Variants in RFX7 observed in about 807,000 individuals in gnomAD.
RFX7 encodes the protein DNA-binding protein RFX7.
A neutral mutation model predicts 111.8 loss-of-function variants in RFX7; 26 were observed. The ratio of observed to expected loss-of-function variants is 0.23; its 90% CI spans 0.17 to 0.32. The LOEUF (loss-of-function observed/expected upper bound fraction) is 0.32, where lower values mean the gene tolerates loss of function less well. RFX7 is among the 10% of genes least tolerant of loss of function. RFX7 has a pLI of 1.00. For synonymous variants in RFX7, 624 were observed against 624.4 expected, an observed-to-expected ratio of 1.00 and a Z score of 0.01; for missense variants, 1,573 against 1,772.9, an observed-to-expected ratio of 0.89 and a Z score of 2.02.
chr15:56,109,480 G>A, intron 5 of RFX7, among the ~76,000 whole-genome samples: 1 of 152,294 alleles, frequency 6.6e-6, no homozygotes, highest in Non-Finnish European at 1.5e-5. Context: ...GGTCTGGGAG[G>A]TGAGGAGCGT....
intron 2 of RFX7, among the ~76,000 whole-genome samples, chr15:56,214,928 T>C (rs781512272): frequency 6.6e-6 from 1 of 152,184 alleles, no homozygotes; most frequent in Non-Finnish European, 1.5e-5. Context: ...CTTCTAATTA[T>C]TAAGTTTTAC....
rs114560173 is a variant in RFX7 at position 56,217,367 on chromosome 15, C to A, written c.161+25758G>T. 8.2e-3 allele frequency among the ~76,000 whole-genome samples: 1,249 copies of A among 152,232 alleles called. 13 individuals are homozygous for A. The highest frequency in any genetic ancestry group is 0.025 in the African/African-American group (1,054 of 41,552). ...CAAGAATGTCTAACAGAGCTTTCAC[C>A]CCTAGAACCAGATCAAATCTAGGTT... is the stretch of plus-strand genomic sequence containing the variant. On this transcript the variant is annotated intron_variant, in intron 2 of 9. Coordinates refer to ENST00000559447, the MANE Select transcript of RFX7 (RefSeq NM_022841.7).
chr15:56,214,067 G>T (rs1332263175), intron 2 of RFX7, among the ~76,000 whole-genome samples: 1 of 152,064 alleles, frequency 6.6e-6, no homozygotes, highest in African/African-American at 2.4e-5. Context: ...CATCATGCAT[G>T]AGTTTTTTTC....
intron 2 of RFX7, among the ~76,000 whole-genome samples, chr15:56,234,423 A>T (rs975134306): frequency 1.3e-5 from 2 of 152,208 alleles, no homozygotes; most frequent in Non-Finnish European, 2.9e-5. Flanking sequence ...GTACATGTAG[A>T]ATCTGCCTAA....
Position 56,088,234 on chromosome 15 carries a change from T to G in RFX7, c.*5111A>C, listed in dbSNP as rs1441678493. 2 of 153,882 alleles carry G rather than the reference T, an allele frequency of 1.3e-5. No individual in the cohort carries two copies. The highest frequency in any genetic ancestry group is 2.4e-5 in the African/African-American group (1 of 41,444). 9.5% of individuals were successfully genotyped at this position (153,882 alleles called of 1,614,324 possible). A position where few individuals can be genotyped will look rare whatever the true frequency, so the allele number is the denominator to read the frequency against. On this transcript the variant is annotated 3_prime_UTR_variant, in exon 10 of 10. Coordinates refer to ENST00000559447, the MANE Select transcript of RFX7 (RefSeq NM_022841.7). ...GTGAACACATATCTTAAGTATAGCATAATGGTATGAAGTGGGATTTGAAAT... is the reference window on the plus strand; with the variant it reads ...GTGAACACATATCTTAAGTATAGCAGAATGGTATGAAGTGGGATTTGAAAT...
At chr15:56,109,105 G>A (rs1567010381) in intron 5 of RFX7, among the ~76,000 whole-genome samples, 1 of 152,174 alleles carries the variant, frequency 6.6e-6, no homozygotes. Flanking sequence ...AGCCGAAGCT[G>A]GACTGTACTG....
chr15:56,104,278 G>T (rs1236653636), intron 5 of RFX7, among the ~76,000 whole-genome samples: 2 of 152,128 alleles, frequency 1.3e-5, no homozygotes, highest in African/African-American at 4.8e-5. Flanking sequence ...ACTTCAAGTG[G>T]GATCTGGAGA....
chr15:56,241,546 T>C (rs1379217711), intron 2 of RFX7, among the ~76,000 whole-genome samples: 3 of 152,174 alleles, frequency 2.0e-5, no homozygotes, highest in African/African-American at 7.2e-5. Context: ...AATTTAATGA[T>C]GATTTCAGAA....
intron 2 of RFX7, among the ~76,000 whole-genome samples, chr15:56,230,494 C>T (rs112085596): frequency 6.6e-6 from 1 of 151,924 alleles, no homozygotes; most frequent in African/African-American, 2.4e-5. Flanking sequence ...GAGAAAATTA[C>T]CACATTATGT....
At position 56,238,304 on chromosome 15, in the gene RFX7, T is replaced by C. The variant is rs571792055; in HGVS notation, c.161+4821A>G. On this transcript the variant is annotated intron_variant, in intron 2 of 9. Transcript: ENST00000559447. ...AATCACTTAATATCTAGATGTTGAT[T>C]GTCATCATCATAAGAAAGTAAAACA... Among the ~76,000 whole-genome samples the C allele has an allele frequency of 1.3e-3, 197 of 152,320 alleles. 1 individual carries two copies. Among genetic ancestry groups the C allele is most frequent in the African/African-American group, 4.5e-3 (187 of 41,576 alleles).
intron 3 of RFX7, among the ~76,000 whole-genome samples, chr15:56,145,535 G>A (rs2042456457): frequency 6.6e-6 from 1 of 152,094 alleles, no homozygotes; most frequent in East Asian, 1.9e-4. Flanking sequence ...ATGGCCTACA[G>A]GTATTTTCCA....
intron 5 of RFX7, among the ~76,000 whole-genome samples, chr15:56,128,575 C>A (rs780562720): frequency 2.6e-5 from 4 of 152,070 alleles, no homozygotes; most frequent in African/African-American, 9.7e-5. Context: ...CAAAGGCCAT[C>A]GATAAAAACC....
intron 2 of RFX7, among the ~76,000 whole-genome samples, chr15:56,229,768 C>T (rs1429336768): frequency 6.6e-6 from 1 of 152,108 alleles, no homozygotes; most frequent in Non-Finnish European, 1.5e-5. Flanking sequence ...AACCAAGTAG[C>T]ACAATATAAA....
At chr15:56,137,173 T>C (rs2141007942) in intron 5 of RFX7, among the ~76,000 whole-genome samples, 1 of 152,236 alleles carries the variant, frequency 6.6e-6, no homozygotes, top group South Asian at 2.1e-4. Flanking sequence ...TTGATTGGAA[T>C]AGTTTCAGAA....
intron 3 of RFX7, 148 bp from the exon 4 acceptor site, chr15:56,144,631 A>T: frequency 3.4e-6 from 1 of 293,848 alleles, no homozygotes; most frequent in Non-Finnish European, 7.0e-6. Flanking sequence ...CTAAAATAAT[A>T]CAATGAGGTT....
intron 5 of RFX7, among the ~76,000 whole-genome samples, chr15:56,139,304 T>G (rs1385976904): frequency 1.1e-4 from 16 of 151,898 alleles, no homozygotes; most frequent in Non-Finnish European, 2.2e-4. Context: ...TCTTGGAGGC[T>G]TTGCTCATTT....
chr15:56,112,325 T>A (rs1257225403), intron 5 of RFX7, among the ~76,000 whole-genome samples: 1 of 131,816 alleles, frequency 7.6e-6, no homozygotes, highest in East Asian at 2.2e-4. Flanking sequence ...ATAAATTTAG[T>A]GCATCCTGAC....
At chr15:56,221,943 CAG>C (rs2043431131) in intron 2 of RFX7, among the ~76,000 whole-genome samples, 1 of 152,166 alleles carries the variant, frequency 6.6e-6, no homozygotes, top group African/African-American at 2.4e-5. Context: ...TATTCTCCTA[CAG>C]AGAGATCAAT....
intron 5 of RFX7, among the ~76,000 whole-genome samples, chr15:56,136,581 C>G (rs2042306101): frequency 6.7e-6 from 1 of 150,204 alleles, no homozygotes; most frequent in Non-Finnish European, 1.5e-5. Context: ...ATTTGACTTC[C>G]TCTTTTCCTA....
Sources: gnomAD v4.1 joint callset for allele counts (sites outside exome capture counted in the v4.1 genomes callset) on GRCh38, gnomAD v4.1.1 for gene constraint, MANE v1.5 for transcripts, NCBI Gene and HGNC (gene_info 2026-07-23, HGNC 2026-07-21) for gene names.